ZNF407: variants seen among roughly 807,000 people sequenced by gnomAD.
The protein encoded by ZNF407 is zinc finger protein 407.
Under a neutral mutation model 131.2 loss-of-function variants are expected in ZNF407, and 17 were observed. The ratio of observed to expected loss-of-function variants is 0.13; its 90% CI spans 0.09 to 0.19. The LOEUF (loss-of-function observed/expected upper bound fraction) is 0.19. Ranked by LOEUF, ZNF407 falls within the 10% of genes least tolerant of loss-of-function variation. The pLI, the probability that ZNF407 is intolerant of heterozygous loss-of-function variation, is 1.00. For missense variants in ZNF407, 2,681 were observed against 2,830.6 expected (o/e 0.95, Z 1.20); for synonymous variants, 1,156 against 1,062.0 (o/e 1.09, Z -1.72).
intron 3 of ZNF407, among the ~76,000 whole-genome samples, chr18:74,773,642 C>T (rs1969407826): frequency 6.6e-6 from 1 of 152,192 alleles, no homozygotes; most frequent in Non-Finnish European, 1.5e-5. Context: ...AAATGTGATT[C>T]ATTTACAGTA....
chr18:74,685,853 A>C (rs1967085494), intron 3 of ZNF407, among the ~76,000 whole-genome samples: 1 of 151,990 alleles, frequency 6.6e-6, no homozygotes, highest in African/African-American at 2.4e-5. Context: ...CTTTGCCCCC[A>C]TGGCATTGAT....
At chr18:74,620,766 G>A (rs1983478990) in intron 1 of ZNF407, among the ~76,000 whole-genome samples, 1 of 152,156 alleles carries the variant, frequency 6.6e-6, no homozygotes, top group Non-Finnish European at 1.5e-5. Context: ...AGGCCCCTAA[G>A]CTTGAAGGCC....
chr18:74,607,589 G>A (rs191390541), intron 1 of ZNF407, among the ~76,000 whole-genome samples: 76 of 152,342 alleles, frequency 5.0e-4, no homozygotes, highest in Admixed American at 2.4e-3. Context: ...ACGGGGCTGG[G>A]TTTGTGCTGT....
At chr18:74,657,015 C>T (rs928442938) in intron 3 of ZNF407, among the ~76,000 whole-genome samples, 1 of 150,016 alleles carries the variant, frequency 6.7e-6, no homozygotes, top group African/African-American at 2.4e-5. Context: ...TATTTTTCTC[C>T]CTATTGAGTT....
At chr18:74,768,394 A>G (rs1018539691) in intron 3 of ZNF407, among the ~76,000 whole-genome samples, 3 of 152,236 alleles carry the variant, frequency 2.0e-5, no homozygotes, top group African/African-American at 7.2e-5. Context: ...TACATAAAAT[A>G]TCAGGGAAGA....
intron 3 of ZNF407, among the ~76,000 whole-genome samples, chr18:74,739,348 G>A (rs987135262): frequency 6.6e-6 from 1 of 151,884 alleles, no homozygotes; most frequent in African/African-American, 2.4e-5. Flanking sequence ...GGGACACCTG[G>A]CTTTTCTCTG....
At chr18:74,698,800 C>T (rs367914076) in intron 3 of ZNF407, among the ~76,000 whole-genome samples, 15 of 152,200 alleles carry the variant, frequency 9.9e-5, no homozygotes, top group African/African-American at 2.4e-4. Context: ...CCTGAGTAGC[C>T]GGGGGAGGTA....
chr18:74,625,805 T>A (rs1352855019), intron 1 of ZNF407, among the ~76,000 whole-genome samples: 1 of 152,240 alleles, frequency 6.6e-6, no homozygotes, highest in African/African-American at 2.4e-5. Flanking sequence ...AGGCATTCAT[T>A]CATTCTAGTA....
Position 74,877,246 on chromosome 18 carries a change from C to T in ZNF407, c.4927C>T (p.Leu1643=). ...TAGAAGTTTCACAGAGAAGTGGGCC[C>T]TGAACAACCACATGAAACTCCACAC... is the stretch of plus-strand genomic sequence containing the variant. ...CDRSFTEKWA[L]NNHMKLHTGE... The change falls in exon 5 of 9, where the codon CTG becomes TTG. Residue 1643 remains leucine, a synonymous_variant. Transcript: ENST00000299687. 1 of 1,614,018 alleles carries T rather than the reference C, an allele frequency of 6.2e-7. No individual in the cohort carries two copies. The highest frequency in any genetic ancestry group is 8.5e-7 in the Non-Finnish European group (1 of 1,179,890).
intron 8 of ZNF407, among the ~76,000 whole-genome samples, chr18:75,055,531 C>T (rs1048949314): frequency 1.3e-5 from 2 of 152,154 alleles, no homozygotes; most frequent in Non-Finnish European, 2.9e-5. Context: ...ATAATATAGA[C>T]CTAAGGGTCT....
In ZNF407 at chr18:74,633,355, G is replaced by A. The variant is rs535825447; in HGVS notation, c.2336G>A (p.Cys779Tyr). Residue 779 changes from cysteine to tyrosine, a missense_variant, in exon 2 of 9, where the codon TGT becomes TAT. Around this residue, in one of 6 missense-constraint regions of ZNF407, gnomAD observed 1,789 missense variants for 1,748.7 expected, o/e 1.02. Coordinates refer to ENST00000299687, the MANE Select transcript of ZNF407 (RefSeq NM_017757.3). ...TTTGAAGAATGTATTGAAAGGGTAT[G>A]TATAGGTGCAAATGATAAAAAAGAA... The part of the protein sequence containing the change: ...LSFEECIERV[C>Y]IGANDKKEEF... The A allele has an allele frequency of 1.4e-5, 22 of 1,613,942 alleles. No homozygotes were observed. The African/African-American group carries it at 1.9e-4, about 14-fold the overall frequency.
At chr18:74,845,269 G>A (rs978425099) in intron 4 of ZNF407, among the ~76,000 whole-genome samples, 4 of 152,188 alleles carry the variant, frequency 2.6e-5, no homozygotes, top group Non-Finnish European at 5.9e-5. Context: ...CTTTAAATGT[G>A]TTTGGAATCA....
intron 8 of ZNF407, among the ~76,000 whole-genome samples, chr18:75,050,120 G>A (rs543586434): frequency 6.6e-6 from 1 of 152,132 alleles, no homozygotes; most frequent in Admixed American, 6.5e-5. Context: ...ATAGATATTA[G>A]TTACATTACA....
At chr18:75,036,963 C>T (rs1358876401) in intron 8 of ZNF407, among the ~76,000 whole-genome samples, 10 of 152,208 alleles carry the variant, frequency 6.6e-5, no homozygotes, top group East Asian at 1.9e-4. Flanking sequence ...TAGAACTACG[C>T]GGATTGTCTT....
intron 7 of ZNF407, chr18:74,905,641 A>G (rs1971586164): frequency 6.6e-6 from 1 of 152,258 alleles, no homozygotes; most frequent in African/African-American, 2.4e-5. Context: ...ATAAACATGA[A>G]CAGAAATATA....
At chr18:75,032,499 C>A (rs1973252961) in intron 8 of ZNF407, among the ~76,000 whole-genome samples, 1 of 152,094 alleles carries the variant, frequency 6.6e-6, no homozygotes, top group Non-Finnish European at 1.5e-5. Flanking sequence ...TTATAGCCCA[C>A]CAACCTTCTC....
At chr18:74,936,000 T>G (rs1972035714) in intron 8 of ZNF407, among the ~76,000 whole-genome samples, 1 of 152,226 alleles carries the variant, frequency 6.6e-6, no homozygotes, top group African/African-American at 2.4e-5. Context: ...TAGATCATGA[T>G]CCAGAACTCA....
chr18:74,690,480 A>G (rs1238818455), intron 3 of ZNF407, among the ~76,000 whole-genome samples: 1 of 151,140 alleles, frequency 6.6e-6, no homozygotes, highest in Non-Finnish European at 1.5e-5. Flanking sequence ...TATTTTTGCC[A>G]GGAAGTTTAA....
At chr18:74,831,865 C>T (rs7243418) in intron 4 of ZNF407, among the ~76,000 whole-genome samples, 34,253 of 152,046 alleles carry the variant, frequency 0.23, 4,205 homozygotes, top group African/African-American at 0.33. Flanking sequence ...GTGCTCCTGA[C>T]GCCCTTTACC....
Sources: allele counts gnomAD v4.1 joint callset (sites outside exome capture counted in the v4.1 genomes callset), GRCh38; gene constraint gnomAD v4.1.1; regional missense constraint gnomAD v4.1.1; transcripts MANE v1.5; gene names NCBI Gene and HGNC (gene_info 2026-07-23, HGNC 2026-07-21).